The following SYNRG variants were observed in gnomAD, a reference collection of about 807,000 sequenced individuals.
SYNRG encodes the protein synergin gamma.
A neutral mutation model predicts 130.9 loss-of-function variants in SYNRG; 37 were observed. The ratio of observed to expected loss-of-function variants is 0.28; its 90% CI spans 0.22 to 0.37. The LOEUF (loss-of-function observed/expected upper bound fraction) is 0.37. Among genes scored for constraint, SYNRG ranks in the 10% least tolerant of loss-of-function variants. The pLI, the probability that SYNRG is intolerant of heterozygous loss-of-function variation, is 1.00. For synonymous variants in SYNRG, 539 were observed against 568.1 expected (o/e 0.95, Z 0.73); for missense variants, 1,338 against 1,588.9 (o/e 0.84, Z 2.68).
intron 15 of SYNRG, chr17:37,540,761 A>G: frequency 1.4e-6 from 1 of 727,622 alleles, no homozygotes; most frequent in South Asian, 3.2e-5. Flanking sequence ...CAGCCTCCTG[A>G]GTAGCTGGGA....
intron 19 of SYNRG, among the ~76,000 whole-genome samples, chr17:37,534,016 C>T (rs2056944835): frequency 7.4e-6 from 1 of 135,088 alleles, no homozygotes; most frequent in South Asian, 2.5e-4. Flanking sequence ...CTTACTACAA[C>T]CTCCATTTCC....
At chr17:37,536,236 T>C (rs1182229979) in intron 18 of SYNRG, 109 bp from the exon 19 acceptor site, 1 of 1,268,444 alleles carries the variant, frequency 7.9e-7, no homozygotes, top group East Asian at 2.5e-5. Flanking sequence ...TGGGTGTATC[T>C]GGACAGAGGT....
Position 37,596,020 on chromosome 17 carries a change from G to T in SYNRG, c.240+203C>A, listed in dbSNP as rs58309712. ...TCTGCCCGCCTTGGCCTCCCAAAGT[G>T]CTGGGATTACAGGCATGAGCCACTG... is the stretch of plus-strand genomic sequence containing the variant. On this transcript the variant is annotated intron_variant, in intron 3 of 21. Coordinates refer to ENST00000612223, the MANE Select transcript of SYNRG (RefSeq NM_007247.6). Among the ~76,000 whole-genome samples the T allele has an allele frequency of 2.8e-3, 431 of 152,330 alleles. 2 individuals carry two copies. The highest frequency in any genetic ancestry group is 9.8e-3 in the African/African-American group (408 of 41,564).
intron 19 of SYNRG, chr17:37,529,840 T>C (rs1014948394): frequency 6.4e-7 from 1 of 1,551,562 alleles, no homozygotes; most frequent in Admixed American, 2.0e-5. Context: ...CAGTCATCTT[T>C]TCCCAGCAGC....
At chr17:37,545,479 A>T (rs556785790) in intron 14 of SYNRG, among the ~76,000 whole-genome samples, 21 of 152,326 alleles carry the variant, frequency 1.4e-4, no homozygotes, top group African/African-American at 5.1e-4. Flanking sequence ...TCAAGATATT[A>T]CTATGGTAAT....
intron 19 of SYNRG, among the ~76,000 whole-genome samples, chr17:37,535,005 A>G (rs932561346): frequency 1.3e-5 from 2 of 152,244 alleles, no homozygotes; most frequent in African/African-American, 4.8e-5. Context: ...TTGAATAGGT[A>G]TGAATATATA....
At chr17:37,548,878 T>C (rs2058497624) in intron 14 of SYNRG, among the ~76,000 whole-genome samples, 1 of 148,946 alleles carries the variant, frequency 6.7e-6, no homozygotes, top group Admixed American at 6.7e-5. Context: ...CTCATGCCTG[T>C]AATCCCAGCA....
chr17:37,558,720 AT>A (rs1444841737), intron 13 of SYNRG, among the ~76,000 whole-genome samples: 4 of 152,194 alleles, frequency 2.6e-5, no homozygotes, highest in Non-Finnish European at 5.9e-5. Flanking sequence ...CTGATCACTC[AT>A]TCTTACTGGA....
chr17:37,521,939 C>T (rs1183330297), intron 19 of SYNRG, among the ~76,000 whole-genome samples: 1 of 152,000 alleles, frequency 6.6e-6, no homozygotes, highest in Non-Finnish European at 1.5e-5. Context: ...CAGTTTGGTC[C>T]AAGCTGAGCT....
At position 37,600,354 on chromosome 17, in the gene SYNRG, C is replaced by G. The variant is rs763300540; in HGVS notation, c.118+9G>C. 6.3e-7 allele frequency: 1 copy of G among 1,596,414 alleles called. No homozygotes were observed. The highest frequency in any genetic ancestry group is 8.5e-7 in the Non-Finnish European group (1 of 1,174,636). On this transcript the variant is annotated intron_variant, in intron 2 of 21. Transcript: ENST00000612223. ...AAAATAAAAGTTCAAAACTTAAGCT[C>G]TCACATACCTTGAGGGGGTCTTATC...
chr17:37,549,462 C>T lies in SYNRG; in HGVS notation c.2608+3653G>A, dbSNP rs1470638514. Among the ~76,000 whole-genome samples, 4 of 152,172 alleles carry T rather than the reference C, an allele frequency of 2.6e-5. No individual in the cohort carries two copies. In the East Asian group the frequency reaches 7.7e-4, roughly 29 times the overall value. ...TTCAAACCTTACTTTGTTAGACACA[C>T]CCCCTAAAGTAACATGTTTTAAGAA... is the stretch of plus-strand genomic sequence containing the variant. On this transcript the variant is annotated intron_variant, in intron 14 of 21. Coordinates refer to ENST00000612223, the MANE Select transcript of SYNRG (RefSeq NM_007247.6).
At chr17:37,566,645 A>T (rs1006640540) in intron 11 of SYNRG, among the ~76,000 whole-genome samples, 13 of 149,684 alleles carry the variant, frequency 8.7e-5, no homozygotes, top group Middle Eastern at 3.4e-3. Flanking sequence ...AAAATAAATT[A>T]AAAAAAAAAG....
At chr17:37,531,636 G>A (rs1006359004) in intron 19 of SYNRG, among the ~76,000 whole-genome samples, 2 of 152,034 alleles carry the variant, frequency 1.3e-5, no homozygotes, top group African/African-American at 4.8e-5. Context: ...AACATTGGCT[G>A]GGCTTGGTGG....
rs1171702022 is a variant in SYNRG at position 37,515,274 on chromosome 17, CTGAAG to C, written c.*3661_*3665del. The C allele has an allele frequency of 1.3e-5, 2 of 152,204 alleles. No homozygotes were observed. The highest frequency in any genetic ancestry group is 2.9e-5 in the Non-Finnish European group (2 of 68,030). The allele number at this position is 152,204 out of a possible 1,614,324, so 9.4% of individuals were successfully genotyped here. A position where few individuals can be genotyped will look rare whatever the true frequency, so the allele number is the denominator to read the frequency against. On this transcript the variant is annotated 3_prime_UTR_variant, in exon 22 of 22. Coordinates refer to ENST00000612223, the MANE Select transcript of SYNRG (RefSeq NM_007247.6). ...GTATTGTTATTTGGTACACACTTAC[CTGAAG>C]AAATAAGTAAGTAACTTAAACATAA...
At chr17:37,607,974 A>AAC (rs1326393936) in intron 1 of SYNRG, among the ~76,000 whole-genome samples, 3 of 150,546 alleles carry the variant, frequency 2.0e-5, no homozygotes, top group African/African-American at 7.3e-5. Flanking sequence ...AAAAAAAAAA[A>AAC]AAAAAACAAG....
At chr17:37,563,516 C>T (rs927445344) in intron 11 of SYNRG, among the ~76,000 whole-genome samples, 3 of 152,042 alleles carry the variant, frequency 2.0e-5, no homozygotes, top group African/African-American at 7.2e-5. Context: ...TATGTTAACC[C>T]TTTGTGAACT....
At position 37,542,626 on chromosome 17, in the gene SYNRG, T is replaced by G. The variant is rs2057870295; in HGVS notation, c.2609-61A>C. 3.8e-6 allele frequency: 5 copies of G among 1,311,734 alleles called. No individual in the cohort carries two copies. In the Admixed American group the frequency reaches 8.5e-5, roughly 22 times the overall value. The allele number at this position is 1,311,734 out of a possible 1,614,324, so 81.3% of individuals were successfully genotyped here. On this transcript the variant is annotated intron_variant, in intron 14 of 21. Coordinates refer to ENST00000612223, the MANE Select transcript of SYNRG (RefSeq NM_007247.6). ...GCAATTTAGGCAAAATGCCCTAAAC[T>G]CTGTAGAAGCAAAATGCCTAGCATA...
At chr17:37,519,257 G>T (rs112176160) in intron 21 of SYNRG, among the ~76,000 whole-genome samples, 186 bp from the exon 22 acceptor site, 1 of 152,298 alleles carries the variant, frequency 6.6e-6, no homozygotes, top group Non-Finnish European at 1.5e-5. Flanking sequence ...CTAATTAAAG[G>T]TATAAAATTG....
At chr17:37,538,879 C>T (rs2057463863) in intron 17 of SYNRG, among the ~76,000 whole-genome samples, 1 of 152,206 alleles carries the variant, frequency 6.6e-6, no homozygotes, top group African/African-American at 2.4e-5. Flanking sequence ...AGGTGTTGAG[C>T]CACCGCACCC....
Sources: gnomAD v4.1 joint callset for allele counts (sites outside exome capture counted in the v4.1 genomes callset) on GRCh38, gnomAD v4.1.1 for gene constraint, MANE v1.5 for transcripts, NCBI Gene and HGNC (gene_info 2026-07-23, HGNC 2026-07-21) for gene names.